Variants in SHANK1 observed in about 807,000 individuals in gnomAD.
SHANK1 encodes the protein SH3 and multiple ankyrin repeat domains 1.
Under a neutral mutation model 165.6 loss-of-function variants are expected in SHANK1, and 35 were observed. That is an observed-to-expected ratio of 0.21 (90% CI 0.16 to 0.28). SHANK1 has a LOEUF of 0.28. Among genes scored for constraint, SHANK1 ranks in the 10% least tolerant of loss-of-function variants. The pLI is 1.00. For missense variants in SHANK1, 2,681 were observed against 3,036.4 expected (o/e 0.88, Z 2.75); for synonymous variants, 1,428 against 1,384.8 (o/e 1.03, Z -0.69).
At chr19:50,711,088 C>G (rs1019908233) in intron 8 of SHANK1, 18 of 398,786 alleles carry the variant, frequency 4.5e-5, no homozygotes, top group Non-Finnish European at 6.5e-5. Flanking sequence ...TAGCAGCAAA[C>G]TATGTTGTCT....
intron 8 of SHANK1, among the ~76,000 whole-genome samples, chr19:50,706,727 T>TAA (rs34942540): frequency 6.8e-6 from 1 of 148,102 alleles, no homozygotes; most frequent in East Asian, 2.0e-4. Flanking sequence ...CCATCCTGTC[T>TAA]AAAAAAAAAA....
chr19:50,719,221 G>A (rs2089105652), intron 1 of SHANK1, among the ~76,000 whole-genome samples, 185 bp downstream of exon 1: 1 of 151,792 alleles, frequency 6.6e-6, no homozygotes, highest in Admixed American at 6.5e-5. Context: ...ACGGGGCACC[G>A]GGGACCCGGG....
intron 10 of SHANK1, 67 bp from the exon 11 acceptor site, chr19:50,703,897 G>A: frequency 1.4e-6 from 1 of 734,086 alleles, no homozygotes; most frequent in Non-Finnish European, 2.2e-6. Context: ...GGGCCATGCG[G>A]GGGCAAGAGA....
chr19:50,711,272 G>C, intron 8 of SHANK1, 99 bp downstream of exon 8: 1 of 689,474 alleles, frequency 1.5e-6, no homozygotes, highest in Non-Finnish European at 2.6e-6. Context: ...AAGAAGTGGA[G>C]GGTGCAGAGA....
At chr19:50,664,123 T>TTTC (rs768810270) in intron 23 of SHANK1, among the ~76,000 whole-genome samples, 6,509 of 20,976 alleles carry the variant, frequency 0.31, 498 homozygotes, top group African/African-American at 0.49. Flanking sequence ...CTTTTCTTTC[T>TTTC]TTTTTTTTTT....
rs577489955 is a variant in SHANK1 at position 50,711,941 on chromosome 19, G to C, written c.960+6C>G. The C allele has an allele frequency of 6.2e-7, 1 of 1,613,980 alleles. No homozygotes were observed. The highest frequency in any genetic ancestry group is 1.7e-5 in the Admixed American group (1 of 60,024). On this transcript the variant is annotated splice_donor_region_variant and intron_variant, in intron 7 of 23. Transcript: ENST00000293441. ...CCCAGCCCTTCATGGCCTGAATCAG[G>C]AGCACCTGGTGGATTTCCTGCCAGC...
chr19:50,713,771 G>C lies in SHANK1; in HGVS notation c.792+27C>G. On this transcript the variant is annotated intron_variant, in intron 6 of 23. Coordinates refer to ENST00000293441, the MANE Select transcript of SHANK1 (RefSeq NM_016148.5). The surrounding 1 kb of genome is among the most constrained non-coding windows in gnomAD (Gnocchi z 6.2). ...GGAAAAGGAGAGAGGGCCCCATGGC[G>C]GGGATGGGGGGTCCCCGAAGCCTCA... is the stretch of plus-strand genomic sequence containing the variant. 6.2e-7 allele frequency: 1 copy of C among 1,609,828 alleles called. No homozygotes were observed. Among genetic ancestry groups the C allele is most frequent in the Non-Finnish European group, 8.5e-7 (1 of 1,178,152 alleles).
Position 50,666,960 on chromosome 19 carries a change from G to A in SHANK1, c.5000C>T (p.Pro1667Leu), listed in dbSNP as rs867751770. The change falls in exon 23 of 24, where the codon CCT (proline) becomes CTT (leucine). Residue 1667 changes from proline to leucine, a missense_variant. By Grantham distance (98) the Pro-to-Leu change is moderately conservative. Coordinates refer to ENST00000293441, the MANE Select transcript of SHANK1 (RefSeq NM_016148.5). ...APAAPQPGPD[P>L]PPGTDSGIEE... ...GATGCCAGAATCCGTGCCAGGCGGA[G>A]GGTCCGGGCCAGGCTGTGGGGCAGC... The A allele has an allele frequency of 3.1e-6, 5 of 1,594,744 alleles. No individual in the cohort carries two copies. Among genetic ancestry groups the A allele is most frequent in the Middle Eastern group, 1.7e-4 (1 of 6,026 alleles).
At chr19:50,671,512 A>G (rs538134146) in intron 22 of SHANK1, among the ~76,000 whole-genome samples, 1 of 150,444 alleles carries the variant, frequency 6.6e-6, no homozygotes, top group East Asian at 1.9e-4. Context: ...CATAGCACGT[A>G]CAACTGCTAA....
chr19:50,677,039 G>A (rs1296203924), intron 21 of SHANK1, among the ~76,000 whole-genome samples: 1 of 152,142 alleles, frequency 6.6e-6, no homozygotes, highest in Non-Finnish European at 1.5e-5. Context: ...TGGAAACATG[G>A]CTAAGATGGT....
chr19:50,668,811 C>G lies in SHANK1; in HGVS notation c.3149G>C (p.Trp1050Ser). The G allele has an allele frequency of 7.9e-7, 1 of 1,269,494 alleles. No individual in the cohort carries two copies. Among genetic ancestry groups the G allele is most frequent in the Non-Finnish European group, 9.9e-7 (1 of 1,013,166 alleles). 78.6% of individuals were successfully genotyped at this position (1,269,494 alleles called of 1,614,324 possible). A position where few individuals can be genotyped will look rare whatever the true frequency, so the allele number is the denominator to read the frequency against. The change falls in exon 23 of 24, where the codon TGG becomes TCG. Residue 1050 changes from tryptophan (W) to serine (S), a missense_variant. Trp to Ser is a radical substitution (Grantham distance 177). Transcript: ENST00000293441. ...ALGPQPSLRGWRGGGPSPTPG... is the reference protein window; with the variant it reads ...ALGPQPSLRGSRGGGPSPTPG... ...GGTCGGGCTGGGCCCGCCGCCCCTCCAGCCTCGCAGGCTGGGCTGGGGCCC... is the reference window on the plus strand; with the variant it reads ...GGTCGGGCTGGGCCCGCCGCCCCTCGAGCCTCGCAGGCTGGGCTGGGGCCC...
intron 15 of SHANK1, among the ~76,000 whole-genome samples, chr19:50,696,735 G>A (rs1203695982): frequency 6.6e-6 from 1 of 152,064 alleles, no homozygotes; most frequent in East Asian, 1.9e-4. Context: ...GACATGCACA[G>A]AGAGGGACGG....
chr19:50,687,136 C>A (rs949402846), intron 19 of SHANK1: 57 of 726,726 alleles, frequency 7.8e-5, no homozygotes, highest in Middle Eastern at 3.2e-4. Flanking sequence ...CTCGGGGCCC[C>A]GGGGTGGGGG....
At position 50,662,370 on chromosome 19, in the gene SHANK1, G is replaced by A. The variant is rs1208840190; in HGVS notation, c.6081C>T (p.Pro2027=). Reference sequence around the variant, plus strand: ...GGATGTCAAAGAGGCCTGGGTAGAGGGGTCCGGAAGGCAGGATGGGCAGGG... The same window carrying A: ...GGATGTCAAAGAGGCCTGGGTAGAGAGGTCCGGAAGGCAGGATGGGCAGGG... ...PSSLPILPSG[P]LYPGLFDIRG... The change falls in exon 24 of 24, where the codon CCC becomes CCT. Residue 2027 remains proline (P), a synonymous_variant. Coordinates refer to ENST00000293441, the MANE Select transcript of SHANK1 (RefSeq NM_016148.5). This position sits in a 1 kb window ranked among gnomAD's most constrained non-coding sequence, Gnocchi z 7.7. The A allele has an allele frequency of 6.3e-7, 1 of 1,583,764 alleles. No homozygotes were observed. Among genetic ancestry groups the A allele is most frequent in the African/African-American group, 1.3e-5 (1 of 74,248 alleles).
At chr19:50,669,350 C>G (rs1985707587) in intron 22 of SHANK1, 65 bp from the exon 23 acceptor site, 1 of 1,087,812 alleles carries the variant, frequency 9.2e-7, no homozygotes, top group Non-Finnish European at 1.4e-6. Flanking sequence ...CTCCACTATC[C>G]CATAGAACCG....
chr19:50,660,752 T>G lies in SHANK1; in HGVS notation c.*1213A>C, dbSNP rs1356836987. ...GGGGGGGCGCGTGTGCAAAAGCAAG[T>G]GTGCAAGAGGGTTCACAAAAGAATC... is the stretch of plus-strand genomic sequence containing the variant. On this transcript the variant is annotated 3_prime_UTR_variant, in exon 24 of 24. Transcript: ENST00000293441. Among the ~76,000 whole-genome samples the G allele has an allele frequency of 5.5e-5, 7 of 128,336 alleles. No individual in the cohort carries two copies. Among genetic ancestry groups the G allele is most frequent in the African/African-American group, 1.3e-4 (4 of 30,808 alleles). The allele number at this position is 128,336 out of a possible 152,430, so 84.2% of individuals were successfully genotyped here.
intron 12 of SHANK1, among the ~76,000 whole-genome samples, chr19:50,701,268 G>T (rs1203038687): frequency 7.2e-6 from 1 of 139,324 alleles, no homozygotes; most frequent in Non-Finnish European, 1.5e-5. Context: ...TGCAACCTCC[G>T]CCTCCCGGGT....
intron 8 of SHANK1, among the ~76,000 whole-genome samples, chr19:50,705,225 C>G (rs2088924068): frequency 6.6e-6 from 1 of 151,844 alleles, no homozygotes; most frequent in African/African-American, 2.4e-5. Flanking sequence ...GTGTGTAATC[C>G]CAGCTACTCA....
Position 50,668,732 on chromosome 19 carries a change from G to T in SHANK1, c.3228C>A (p.Ser1076=). The change falls in exon 23 of 24, where the codon TCC becomes TCA. Residue 1076 remains serine (S), a synonymous_variant. Coordinates refer to ENST00000293441, the MANE Select transcript of SHANK1 (RefSeq NM_016148.5). The stretch of plus-strand genomic sequence containing the variant: ...AATAGCGTAGAGCCGGGCCCTGGGA[G>T]GAGCCGCCGCCCCCGCCCGCGCTGC... ...HHGSAGGGGG[S]SQGPALRYFQ... 7.8e-7 allele frequency: 1 copy of T among 1,278,238 alleles called. No homozygotes were observed. The highest frequency in any genetic ancestry group is 2.9e-5 in the South Asian group (1 of 34,916). The allele number at this position is 1,278,238 out of a possible 1,614,324, so 79.2% of individuals were successfully genotyped here.
Sources: gnomAD v4.1 joint callset for allele counts (sites outside exome capture counted in the v4.1 genomes callset) on GRCh38, gnomAD v4.1.1 for gene constraint, Gnocchi (gnomAD v3.1) non-coding constraint, MANE v1.5 for transcripts, NCBI Gene and HGNC (gene_info 2026-07-23, HGNC 2026-07-21) for gene names.